The following DDX17 variants were observed in gnomAD, a reference collection of about 807,000 sequenced individuals.
The protein encoded by DDX17 is probable ATP-dependent RNA helicase DDX17.
In DDX17, 10 loss-of-function variants were observed where a neutral mutation model predicts 80.8. That is an observed-to-expected ratio of 0.12 (90% CI 0.08 to 0.21). DDX17 has a LOEUF of 0.21. Ranked by LOEUF, DDX17 falls within the 10% of genes least tolerant of loss-of-function variation. DDX17 has a pLI of 1.00. For missense variants in DDX17, 586 were observed against 957.4 expected (o/e 0.61, Z 5.12); for synonymous variants, 339 against 336.2 (o/e 1.01, Z -0.09).
intron 1 of DDX17, among the ~76,000 whole-genome samples, chr22:38,504,719 G>C (rs991996958): frequency 6.6e-6 from 1 of 152,158 alleles, no homozygotes; most frequent in African/African-American, 2.4e-5. Context: ...AGACAAAAAC[G>C]TTTGGAGAAA....
chr22:38,487,109 A>G (rs916721837), intron 12 of DDX17, among the ~76,000 whole-genome samples: 5 of 152,122 alleles, frequency 3.3e-5, no homozygotes, highest in African/African-American at 9.7e-5. Context: ...CAGAGGTTGA[A>G]GTGAGCCGAG....
At position 38,504,012 on chromosome 22, in the gene DDX17, A is replaced by G. The variant is rs576932291; in HGVS notation, c.287+1939T>C. On this transcript the variant is annotated intron_variant, in intron 1 of 12. Transcript: ENST00000403230. ...CAGTAATTCACTTTTTTCCTTTCAA[A>G]TAACTTATTAAAGCATATATATGGT... Among the ~76,000 whole-genome samples the G allele has an allele frequency of 2.0e-5, 3 of 152,356 alleles. No individual in the cohort carries two copies. In the South Asian group the frequency reaches 6.2e-4, roughly 32 times the overall value.
intron 10 of DDX17, 138 bp from the exon 11 acceptor site, chr22:38,492,253 A>T (rs2089720864): frequency 4.8e-6 from 3 of 629,514 alleles, no homozygotes; most frequent in African/African-American, 1.9e-5. Flanking sequence ...TTCTTTTGAA[A>T]ATCTTTATTA....
chr22:38,505,853 C>G (rs1366929771), intron 1 of DDX17, 98 bp downstream of exon 1: 5 of 1,424,550 alleles, frequency 3.5e-6, no homozygotes, highest in Non-Finnish European at 4.7e-6. Context: ...CCTCCCGGGT[C>G]GAGAGCAAGG....
Position 38,489,622 on chromosome 22 carries a change from TA to T in DDX17, c.1448-1508del, listed in dbSNP as rs904297397. On this transcript the variant is annotated intron_variant, in intron 11 of 12. Coordinates refer to ENST00000403230, the MANE Select transcript of DDX17 (RefSeq NM_006386.5). This position sits in a 1 kb window ranked among gnomAD's most constrained non-coding sequence, Gnocchi z 4.6. ...TAATTTCAAGGGAGAAAGGGGAGAT[TA>T]AAAAAAAAAAATTAGCTGTTGTTAC... The T allele has an allele frequency of 4.5e-5, 35 of 770,930 alleles. No individual in the cohort carries two copies. Among genetic ancestry groups the T allele is most frequent in the Middle Eastern group, 6.7e-4 (1 of 1,488 alleles). The allele number at this position is 770,930 out of a possible 1,614,324, so 47.8% of individuals were successfully genotyped here. A position where few individuals can be genotyped will look rare whatever the true frequency, so the allele number is the denominator to read the frequency against.
chr22:38,489,062 T>C lies in DDX17; in HGVS notation c.1448-947A>G, dbSNP rs1266332833. ...AGTGTAATGCTTTCAGCTGAATGTA[T>C]ATTTTTACCTACTTAAACAAACAAT... On this transcript the variant is annotated intron_variant, in intron 11 of 12. Coordinates refer to ENST00000403230, the MANE Select transcript of DDX17 (RefSeq NM_006386.5). The surrounding 1 kb of genome is among the most constrained non-coding windows in gnomAD (Gnocchi z 4.6). 2 of 983,608 alleles carry C rather than the reference T, an allele frequency of 2.0e-6. No individual in the cohort carries two copies. The highest frequency in any genetic ancestry group is 1.7e-5 in the African/African-American group (1 of 57,178). 60.9% of individuals were successfully genotyped at this position (983,608 alleles called of 1,614,324 possible). A position where few individuals can be genotyped will look rare whatever the true frequency, so the allele number is the denominator to read the frequency against.
chr22:38,488,294 G>C (rs181914572), intron 11 of DDX17, 179 bp from the exon 12 acceptor site: 1 of 1,496,562 alleles, frequency 6.7e-7, no homozygotes, highest in Non-Finnish European at 8.9e-7. Context: ...AGTAAAAGAG[G>C]ATTACTGATT....
intron 1 of DDX17, among the ~76,000 whole-genome samples, chr22:38,504,930 G>C (rs562340354): frequency 6.6e-6 from 1 of 152,276 alleles, no homozygotes; most frequent in South Asian, 2.1e-4. Flanking sequence ...GGTCGGGGGA[G>C]ACGGAGTTTC....
chr22:38,488,873 C>T (rs888404324), intron 11 of DDX17: 19 of 985,376 alleles, frequency 1.9e-5, no homozygotes, highest in Non-Finnish European at 1.9e-5. Context: ...TATTTCAACT[C>T]AGGACTTGTT....
intron 11 of DDX17, chr22:38,490,669 T>C: frequency 3.0e-6 from 1 of 335,178 alleles, no homozygotes; most frequent in Non-Finnish European, 5.8e-6. Context: ...ATTGCACCCC[T>C]GTCTATGAGG....
At chr22:38,488,909 A>T (rs2089687868) in intron 11 of DDX17, 1 of 985,230 alleles carries the variant, frequency 1.0e-6, no homozygotes, top group Admixed American at 6.2e-5. Context: ...TGTCTACGTG[A>T]CCTGGGAAAT....
Position 38,495,814 on chromosome 22 carries a change from T to C in DDX17, c.862A>G (p.Ile288Val), listed in dbSNP as rs1243678404. ...TTATTACCTCTTTCCAAGTCTCGAA[T>C]CTGGGGACCTTTAGGAGCACCTCCA... The change falls in exon 6 of 13, where the codon ATT (isoleucine) becomes GTT (valine). Residue 288 changes from isoleucine (I) to valine (V), a missense_variant. Ile to Val is a conservative substitution (Grantham distance 29). This residue lies in a region of DDX17 where 141 missense variants were observed against 379.3 expected (regional missense o/e 0.37). Transcript: ENST00000403230. 1 of 1,600,468 alleles carries C rather than the reference T, an allele frequency of 6.2e-7. No individual in the cohort carries two copies. The highest frequency in any genetic ancestry group is 8.5e-7 in the Non-Finnish European group (1 of 1,174,214).
chr22:38,506,014 T>A lies in DDX17; in HGVS notation c.224A>T (p.Tyr75Phe). 1 of 1,592,220 alleles carries A rather than the reference T, an allele frequency of 6.3e-7. No individual in the cohort carries two copies. Among genetic ancestry groups the A allele is most frequent in the Non-Finnish European group, 8.5e-7 (1 of 1,170,118 alleles). Residue 75 changes from tyrosine to phenylalanine, a missense_variant, in exon 1 of 13, where the codon TAT becomes TTT. Coordinates refer to ENST00000403230, the MANE Select transcript of DDX17 (RefSeq NM_006386.5). ...TCCTCCGCGCATGGTCCCAAAAGGA[T>A]AGAGATCTGGGAGCGGGGCACGGAT...
At chr22:38,488,454 A>G in intron 11 of DDX17, 1 of 1,164,918 alleles carries the variant, frequency 8.6e-7, no homozygotes, top group Non-Finnish European at 1.1e-6. Context: ...AAATTCCAGT[A>G]CTATCCTTTA....
In DDX17 at chr22:38,489,076, TAAAC is replaced by T. The variant is rs768350856; in HGVS notation, c.1448-965_1448-962del. The T allele has an allele frequency of 4.0e-4, 394 of 984,174 alleles. No homozygotes were observed. Among genetic ancestry groups the T allele is most frequent in the Middle Eastern group, 1.6e-3 (3 of 1,912 alleles). The allele number at this position is 984,174 out of a possible 1,614,324, so 61.0% of individuals were successfully genotyped here. Reference sequence around the variant, plus strand: ...AGCTGAATGTATATTTTTACCTACTTAAACAAACAATTTTAAGAATATAACAAAG... The same window carrying T: ...AGCTGAATGTATATTTTTACCTACTTAAACAATTTTAAGAATATAACAAAG... On this transcript the variant is annotated intron_variant, in intron 11 of 12. Coordinates refer to ENST00000403230, the MANE Select transcript of DDX17 (RefSeq NM_006386.5). The surrounding 1 kb of genome is among the most constrained non-coding windows in gnomAD (Gnocchi z 4.6).
rs1164859934 is a variant in DDX17, at chr22:38,483,517, G to C, written c.*2418C>G. The C allele has an allele frequency of 6.6e-6, 1 of 152,614 alleles. No individual in the cohort carries two copies. The highest frequency in any genetic ancestry group is 2.4e-5 in the African/African-American group (1 of 41,438). The allele number at this position is 152,614 out of a possible 1,614,324, so 9.5% of individuals were successfully genotyped here. A position where few individuals can be genotyped will look rare whatever the true frequency, so the allele number is the denominator to read the frequency against. ...ATCAAAAGGACAATTTACAAACTAAGAATAGTAACATAGCTTTCAGCATCC... is the reference window on the plus strand; with the variant it reads ...ATCAAAAGGACAATTTACAAACTAACAATAGTAACATAGCTTTCAGCATCC... On this transcript the variant is annotated 3_prime_UTR_variant, in exon 13 of 13. Coordinates refer to ENST00000403230, the MANE Select transcript of DDX17 (RefSeq NM_006386.5).
At position 38,486,012 on chromosome 22, in the gene DDX17, T is replaced by C; in HGVS notation, c.2113A>G (p.Asn705Asp). 1 of 1,614,034 alleles carries C rather than the reference T, an allele frequency of 6.2e-7. No individual in the cohort carries two copies. Among genetic ancestry groups the C allele is most frequent in the Non-Finnish European group, 8.5e-7 (1 of 1,180,002 alleles). ...GTCTGCCCCATGTAACCTATCATAT[T>C]GGTAGCTCCCGGAGGCTGTGCAAAC... Residue 705 changes from asparagine (N) to aspartate (D), a missense_variant, in exon 13 of 13, where the codon AAT becomes GAT. Coordinates refer to ENST00000403230, the MANE Select transcript of DDX17 (RefSeq NM_006386.5).
Position 38,506,270 on chromosome 22 carries a change from G to A in DDX17, c.-33C>T, listed in dbSNP as rs766767335. 12 of 1,554,286 alleles carry A rather than the reference G, an allele frequency of 7.7e-6. 1 individual carries two copies. The South Asian group carries it at 1.2e-4, about 15-fold the overall frequency. ...TACGCTCAAACCGGGCAGTGCCGCG[G>A]TTTAGGCGTCTCCTTCCTTCCCAGC... On this transcript the variant is annotated 5_prime_UTR_variant, in exon 1 of 13. Coordinates refer to ENST00000403230, the MANE Select transcript of DDX17 (RefSeq NM_006386.5).
At chr22:38,499,994 G>A (rs1051119779) in intron 2 of DDX17, among the ~76,000 whole-genome samples, 7 of 150,746 alleles carry the variant, frequency 4.6e-5, no homozygotes, top group Admixed American at 4.0e-4. Context: ...GTGAAACTCC[G>A]TCTCTACTGA....
Sources: gnomAD v4.1 joint callset for allele counts (sites outside exome capture counted in the v4.1 genomes callset) on GRCh38, gnomAD v4.1.1 for gene constraint, gnomAD v4.1.1 regional missense constraint, Gnocchi (gnomAD v3.1) non-coding constraint, MANE v1.5 for transcripts, NCBI Gene and HGNC (gene_info 2026-07-23, HGNC 2026-07-21) for gene names.